EIF4A1: variants seen among roughly 807,000 people sequenced by gnomAD.
The protein encoded by EIF4A1 is eukaryotic translation initiation factor 4A1, also known as eukaryotic initiation factor 4A-I.
In EIF4A1, 11 loss-of-function variants were observed where a neutral mutation model predicts 53.5. The ratio of observed to expected loss-of-function variants is 0.21; its 90% CI spans 0.13 to 0.34. The LOEUF is 0.34. Ranked by LOEUF, EIF4A1 falls within the 10% of genes least tolerant of loss-of-function variation. The pLI, the probability that EIF4A1 is intolerant of heterozygous loss-of-function variation, is 1.00. For missense variants in EIF4A1, 213 were observed against 530.8 expected, an observed-to-expected ratio of 0.40 and a Z score of 5.88; for synonymous variants, 237 against 186.7, an observed-to-expected ratio of 1.27 and a Z score of -2.20.
At chr17:7,573,006 A>G (rs567574739) in intron 1 of EIF4A1, 142 bp downstream of exon 1, 8 of 1,489,154 alleles carry the variant, frequency 5.4e-6, no homozygotes, top group Non-Finnish European at 7.5e-6. Flanking sequence ...TGGAGGGGCG[A>G]GGGGGAAGAC....
At chr17:7,576,476 C>T (rs375292165) in intron 4 of EIF4A1, 48 bp from the exon 5 acceptor site, 229 of 1,504,360 alleles carry the variant, frequency 1.5e-4, no homozygotes, top group East Asian at 5.2e-4. Context: ...AGAATGGTGC[C>T]GGGCACAGTG....
In EIF4A1 at chr17:7,578,995, T is replaced by G. The variant is rs1389048509; in HGVS notation, c.*509T>G. 2 of 154,484 alleles carry G rather than the reference T, an allele frequency of 1.3e-5. No individual in the cohort carries two copies. The highest frequency in any genetic ancestry group is 4.8e-5 in the African/African-American group (2 of 41,466). The allele number at this position is 154,484 out of a possible 1,614,324, so 9.6% of individuals were successfully genotyped here. ...AACACAAAATTCTGAATAAAATGAC[T>G]TGGAAACTGCCTGTTTGGGCTTCTC... On this transcript the variant is annotated 3_prime_UTR_variant, in exon 11 of 11. Transcript: ENST00000293831.
At chr17:7,574,834 C>T (rs1444655574) in intron 3 of EIF4A1, 156 bp downstream of exon 3, 2 of 1,280,298 alleles carry the variant, frequency 1.6e-6, no homozygotes, top group Non-Finnish European at 2.2e-6. Flanking sequence ...CTGGTTCATG[C>T]CTTGGACACA....
At position 7,574,013 on chromosome 17, in the gene EIF4A1, G is replaced by A. The variant is rs944603249; in HGVS notation, c.24-247G>A. ...CGTGAGCGCGGCGGCACGCCTGCCGGCCTGTCTTCAGAAAGGGTCACCCCC... is the reference window on the plus strand; with the variant it reads ...CGTGAGCGCGGCGGCACGCCTGCCGACCTGTCTTCAGAAAGGGTCACCCCC... On this transcript the variant is annotated intron_variant, in intron 1 of 10. Coordinates refer to ENST00000293831, the MANE Select transcript of EIF4A1 (RefSeq NM_001416.4). 2.7e-5 allele frequency: 14 copies of A among 523,520 alleles called. No individual in the cohort carries two copies. The East Asian group carries it at 3.5e-4, about 13-fold the overall frequency. The allele number at this position is 523,520 out of a possible 1,614,324, so 32.4% of individuals were successfully genotyped here.
rs1485050805 is a variant in EIF4A1 at position 7,574,574 on chromosome 17, T to C, written c.101T>C (p.Phe34Ser). 6.2e-7 allele frequency: 1 copy of C among 1,612,402 alleles called. No homozygotes were observed. Among genetic ancestry groups the C allele is most frequent in the Non-Finnish European group, 8.5e-7 (1 of 1,179,984 alleles). ...ESNWNEIVDSFDDMNLSESLL... is the reference protein window; with the variant it reads ...ESNWNEIVDSSDDMNLSESLL... ...AACTGGAATGAGATTGTTGACAGCT[T>C]TGATGACATGAACCTCTCGGAGTCC... Residue 34 changes from phenylalanine (F) to serine (S), a missense_variant, in exon 3 of 11, where the codon TTT becomes TCT. Around this residue, in one of 4 missense-constraint regions of EIF4A1, gnomAD observed 119 missense variants for 351.0 expected, o/e 0.34. Transcript: ENST00000293831.
chr17:7,578,665 G>A lies in EIF4A1; in HGVS notation c.*179G>A. On this transcript the variant is annotated 3_prime_UTR_variant, in exon 11 of 11. Coordinates refer to ENST00000293831, the MANE Select transcript of EIF4A1 (RefSeq NM_001416.4). The stretch of plus-strand genomic sequence containing the variant: ...AACATTTTAGACACCCTTTTCTTTG[G>A]GGTAGGCTCTTGCCCCAGGCGCCGG... The A allele has an allele frequency of 1.5e-6, 1 of 678,114 alleles. No individual in the cohort carries two copies. Among genetic ancestry groups the A allele is most frequent in the Non-Finnish European group, 2.2e-6 (1 of 462,338 alleles). 42.0% of individuals were successfully genotyped at this position (678,114 alleles called of 1,614,324 possible).
At chr17:7,575,648 T>C in intron 4 of EIF4A1, 1 of 344,512 alleles carries the variant, frequency 2.9e-6, no homozygotes, top group African/African-American at 2.1e-5. Context: ...CACACAATTC[T>C]AATGCTGGAC....
chr17:7,575,910 C>G (rs1296088634), intron 4 of EIF4A1: 2 of 166,738 alleles, frequency 1.2e-5, no homozygotes, highest in African/African-American at 4.8e-5. Flanking sequence ...GGTGGCTCAA[C>G]TCGTATAATC....
chr17:7,574,338 C>A, intron 2 of EIF4A1, 30 bp downstream of exon 2: 1 of 1,614,078 alleles, frequency 6.2e-7, no homozygotes, highest in Non-Finnish European at 8.5e-7. Flanking sequence ...ATTCTGTCCT[C>A]CCCCATTACA....
chr17:7,574,181 C>T, intron 1 of EIF4A1, 79 bp from the exon 2 acceptor site: 1 of 1,564,832 alleles, frequency 6.4e-7, no homozygotes. Flanking sequence ...ATGCAGGCCA[C>T]TCCTGACAGA....
In EIF4A1 at chr17:7,574,240, C is replaced by A. The variant is rs759145600; in HGVS notation, c.24-20C>A. ...TGCTTCGGTCGGGCAGGGGACAAAA[C>A]TTATGCTTTAAACCAACAGATCCAG... On this transcript the variant is annotated intron_variant, in intron 1 of 10. Transcript: ENST00000293831. 1 of 1,614,016 alleles carries A rather than the reference C, an allele frequency of 6.2e-7. No homozygotes were observed. The highest frequency in any genetic ancestry group is 2.2e-5 in the East Asian group (1 of 44,880).
chr17:7,574,174 C>A (rs1249774659), intron 1 of EIF4A1, 86 bp from the exon 2 acceptor site: 1 of 1,508,858 alleles, frequency 6.6e-7, no homozygotes, highest in East Asian at 2.3e-5. Flanking sequence ...TGGCATCATG[C>A]AGGCCACTCC....
intron 3 of EIF4A1, chr17:7,574,915 C>G: frequency 9.8e-7 from 1 of 1,015,932 alleles, no homozygotes; most frequent in Non-Finnish European, 1.5e-6. Context: ...TCTAGTCCAG[C>G]TTGGTGTGCA....
intron 3 of EIF4A1, chr17:7,574,901 T>C: frequency 2.0e-6 from 2 of 1,020,998 alleles, no homozygotes; most frequent in African/African-American, 1.6e-5. Flanking sequence ...TCTACAGCCA[T>C]GTTTCTAGTC....
intron 1 of EIF4A1, 152 bp downstream of exon 1, chr17:7,573,016 C>G (rs903938253): frequency 4.4e-5 from 63 of 1,418,422 alleles, no homozygotes; most frequent in Non-Finnish European, 6.2e-5. Context: ...AGGGGGAAGA[C>G]CCACGGCCGA....
rs1000205759 is a variant in EIF4A1 at position 7,578,715 on chromosome 17, A to G, written c.*229A>G. ...GCTCTTCTCCCAAAAAAAAAAAAAA[A>G]ACACTAATCCATTTCCCTAACCTAG... is the stretch of plus-strand genomic sequence containing the variant. On this transcript the variant is annotated 3_prime_UTR_variant, in exon 11 of 11. Coordinates refer to ENST00000293831, the MANE Select transcript of EIF4A1 (RefSeq NM_001416.4). 1 of 394,972 alleles carries G rather than the reference A, an allele frequency of 2.5e-6. No homozygotes were observed. The highest frequency in any genetic ancestry group is 2.1e-5 in the African/African-American group (1 of 47,838). The allele number at this position is 394,972 out of a possible 1,614,324, so 24.5% of individuals were successfully genotyped here. A position where few individuals can be genotyped will look rare whatever the true frequency, so the allele number is the denominator to read the frequency against.
rs1055081896 is a variant in EIF4A1 at position 7,577,851 on chromosome 17, C to A, written c.931C>A (p.Arg311=). ...GCATGGAGATATGGACCAAAAGGAA[C>A]GAGACGTGATTATGAGGGAGTTTCG... The part of the protein sequence containing the change: ...AMHGDMDQKE[R]DVIMREFRSG... The change falls in exon 9 of 11, where the codon CGA becomes AGA. Residue 311 remains arginine, a synonymous_variant. Coordinates refer to ENST00000293831, the MANE Select transcript of EIF4A1 (RefSeq NM_001416.4). This position sits in a 1 kb window ranked among gnomAD's most constrained non-coding sequence, Gnocchi z 4.7. 29 of 1,614,010 alleles carry A rather than the reference C, an allele frequency of 1.8e-5. No individual in the cohort carries two copies. The highest frequency in any genetic ancestry group is 2.4e-5 in the Non-Finnish European group (28 of 1,180,036).
Position 7,577,230 on chromosome 17 carries a change from A to G in EIF4A1, c.624+65A>G. The G allele has an allele frequency of 1.3e-6, 2 of 1,568,086 alleles. No homozygotes were observed. The highest frequency in any genetic ancestry group is 1.7e-6 in the Non-Finnish European group (2 of 1,159,676). On this transcript the variant is annotated intron_variant, in intron 6 of 10. Transcript: ENST00000293831. The surrounding 1 kb of genome is among the most constrained non-coding windows in gnomAD (Gnocchi z 4.7). ...AAATAGTAAGTGCCAGGGGAACCAT[A>G]TACTGGATTCTTGAGCCTTTTTATG...
At chr17:7,574,158 G>A (rs2071367215) in intron 1 of EIF4A1, 102 bp from the exon 2 acceptor site, 7 of 1,361,834 alleles carry the variant, frequency 5.1e-6, no homozygotes, top group South Asian at 3.6e-5. Flanking sequence ...TGGGACAGCA[G>A]ATTGATGGCA....
Sources: allele counts gnomAD v4.1 joint callset, GRCh38; gene constraint gnomAD v4.1.1; regional missense constraint gnomAD v4.1.1; non-coding constraint Gnocchi (gnomAD v3.1); transcripts MANE v1.5; gene names NCBI Gene and HGNC (gene_info 2026-07-23, HGNC 2026-07-21).